LZTFL1: variants seen among roughly 807,000 people sequenced by gnomAD.
The protein encoded by LZTFL1 is leucine zipper transcription factor-like protein 1.
LZTFL1 carries 25 observed loss-of-function variants against 45.9 expected under a neutral mutation model. That is an observed-to-expected ratio of 0.54 (90% CI 0.40 to 0.76). The LOEUF (loss-of-function observed/expected upper bound fraction) is 0.76, where lower values mean the gene tolerates loss of function less well. LZTFL1 is among the 30% of genes least tolerant of loss of function. LZTFL1 has a pLI of 0.00. For synonymous variants in LZTFL1, 93 were observed against 117.4 expected, an observed-to-expected ratio of 0.79 and a Z score of 1.35; for missense variants, 277 against 331.1, an observed-to-expected ratio of 0.84 and a Z score of 1.27.
intron 9 of LZTFL1, among the ~76,000 whole-genome samples, chr3:45,826,596 T>C (rs186678912): frequency 3.3e-5 from 5 of 152,310 alleles, no homozygotes; most frequent in Admixed American, 2.6e-4. Context: ...ACCTCAATCA[T>C]CATGTTGACA....
intron 2 of LZTFL1, among the ~76,000 whole-genome samples, chr3:45,859,318 T>C (rs1036667253): frequency 4.6e-5 from 7 of 152,216 alleles, no homozygotes; most frequent in Admixed American, 2.6e-4. Flanking sequence ...CTCTAACTCC[T>C]GGCCTCAAGT....
Position 45,900,874 on chromosome 3 carries a change from TTAAC to T in LZTFL1, c.-215+12242_-215+12245del. On this transcript the variant is annotated intron_variant, in intron 2 of 4. Coordinates refer to the LZTFL1 transcript ENST00000472635. This position sits in a 1 kb window ranked among gnomAD's most constrained non-coding sequence, Gnocchi z 4.7. ...TCCACATCTTCCATGGAAGACTACGTTAACTTCAACTTCACTGACTTCTACTGTG... is the reference window on the plus strand; with the variant it reads ...TCCACATCTTCCATGGAAGACTACGTTTCAACTTCACTGACTTCTACTGTG... The T allele has an allele frequency of 6.2e-7, 1 of 1,614,196 alleles. No individual in the cohort carries two copies. Among genetic ancestry groups the T allele is most frequent in the Non-Finnish European group, 8.5e-7 (1 of 1,180,014 alleles).
intron 1 of LZTFL1, among the ~76,000 whole-genome samples, chr3:45,838,973 C>T (rs1367164895): frequency 6.6e-6 from 1 of 152,204 alleles, no homozygotes. Context: ...TAATTGACTA[C>T]CTACATTAGA....
At chr3:45,856,541 T>C (rs1701396145) in intron 3 of LZTFL1, among the ~76,000 whole-genome samples, 1 of 151,704 alleles carries the variant, frequency 6.6e-6, no homozygotes. Flanking sequence ...AAATGGGACA[T>C]AATTAAAGAG....
At position 45,825,237 on chromosome 3, in the gene LZTFL1, A is replaced by G. The variant is rs953851863; in HGVS notation, c.*1077T>C. 1 of 206,854 alleles carries G rather than the reference A, an allele frequency of 4.8e-6. No homozygotes were observed. Among genetic ancestry groups the G allele is most frequent in the East Asian group, 1.0e-4 (1 of 9,784 alleles). 12.8% of individuals were successfully genotyped at this position (206,854 alleles called of 1,614,324 possible). A position where few individuals can be genotyped will look rare whatever the true frequency, so the allele number is the denominator to read the frequency against. On this transcript the variant is annotated 3_prime_UTR_variant, in exon 10 of 10. Transcript: ENST00000296135. Reference sequence around the variant, plus strand: ...TTTTAGAAGCAGGAAAAATTACTAAATATTAATATGTGAAAAGTAAGGACT... The same window carrying G: ...TTTTAGAAGCAGGAAAAATTACTAAGTATTAATATGTGAAAAGTAAGGACT...
Position 45,901,038 on chromosome 3 carries a change from G to T in LZTFL1, c.-215+12082C>A. ...CTGCACAAGAGTGAAGACCATGACCGACATGTTCCTTTTGAATTTGGCAAT... is the reference window on the plus strand; with the variant it reads ...CTGCACAAGAGTGAAGACCATGACCTACATGTTCCTTTTGAATTTGGCAAT... On this transcript the variant is annotated intron_variant, in intron 2 of 4. Coordinates refer to the LZTFL1 transcript ENST00000472635. The surrounding 1 kb of genome is among the most constrained non-coding windows in gnomAD (Gnocchi z 4.3). 1 of 1,614,192 alleles carries T rather than the reference G, an allele frequency of 6.2e-7. No homozygotes were observed. The highest frequency in any genetic ancestry group is 8.5e-7 in the Non-Finnish European group (1 of 1,180,034).
intron 4 of LZTFL1, among the ~76,000 whole-genome samples, 181 bp from the exon 5 acceptor site, chr3:45,833,302 T>C (rs1700880175): frequency 1.3e-5 from 2 of 152,348 alleles, no homozygotes; most frequent in African/African-American, 4.8e-5. Context: ...GCCTAGGATA[T>C]GCCTGTCCTA....
chr3:45,864,333 T>C (rs1701543359), intron 2 of LZTFL1, among the ~76,000 whole-genome samples: 1 of 152,224 alleles, frequency 6.6e-6, no homozygotes, highest in Non-Finnish European at 1.5e-5. Context: ...TTAATTTTAA[T>C]ATTGCTACTA....
chr3:45,913,281 C>T, intron 1 of LZTFL1: 1 of 821,576 alleles, frequency 1.2e-6, no homozygotes, highest in Non-Finnish European at 1.9e-6. Context: ...TCATGAGGAC[C>T]TGCCACAACC....
At chr3:45,852,025 C>T (rs778758344) in intron 4 of LZTFL1, among the ~76,000 whole-genome samples, 5 of 152,194 alleles carry the variant, frequency 3.3e-5, no homozygotes, top group African/African-American at 4.8e-5. Context: ...AGTCCTGACA[C>T]GTTCATCTCC....
At chr3:45,874,662 A>G (rs955165153) in intron 2 of LZTFL1, among the ~76,000 whole-genome samples, 26 of 152,246 alleles carry the variant, frequency 1.7e-4, no homozygotes, top group Admixed American at 1.7e-3. Context: ...CTGTATCCAT[A>G]CCCTTTGAAA....
At chr3:45,909,173 T>A in intron 2 of LZTFL1, among the ~76,000 whole-genome samples, 1 of 152,172 alleles carries the variant, frequency 6.6e-6, no homozygotes, top group East Asian at 1.9e-4. Flanking sequence ...GATTCTACAT[T>A]ATGGCGAGTT....
intron 5 of LZTFL1, among the ~76,000 whole-genome samples, chr3:45,831,529 A>G (rs1372682060): frequency 6.6e-6 from 1 of 152,196 alleles, no homozygotes; most frequent in Non-Finnish European, 1.5e-5. Flanking sequence ...CCTTCACTTC[A>G]GTACCATGCT....
At position 45,860,366 on chromosome 3, in the gene LZTFL1, A is replaced by G. The variant is rs1431969838; in HGVS notation, c.-214-1350T>C. 2.6e-5 allele frequency among the ~76,000 whole-genome samples: 4 copies of G among 151,860 alleles called. No homozygotes were observed. The East Asian group carries it at 7.7e-4, about 29-fold the overall frequency. The stretch of plus-strand genomic sequence containing the variant: ...CATGTGCAAGAATGTGTGTGTGTAT[A>G]TGTGTGTGTGTTAGTTGGGAAGAAC... On this transcript the variant is annotated intron_variant, in intron 2 of 4. Coordinates refer to the LZTFL1 transcript ENST00000472635.
In LZTFL1 at chr3:45,900,706, T is replaced by C. The variant is rs1043652078; in HGVS notation, c.-215+12414A>G. 9.6e-6 allele frequency: 11 copies of C among 1,149,930 alleles called. No individual in the cohort carries two copies. The Admixed American group carries it at 1.1e-4, about 12-fold the overall frequency. The allele number at this position is 1,149,930 out of a possible 1,614,324, so 71.2% of individuals were successfully genotyped here. ...TGCCTATGTGTCTTTGGCCTTATCA[T>C]AGGTGTTTGGGGTTGGAAGGGTCAA... On this transcript the variant is annotated intron_variant, in intron 2 of 4. Coordinates refer to the LZTFL1 transcript ENST00000472635. This position sits in a 1 kb window ranked among gnomAD's most constrained non-coding sequence, Gnocchi z 4.7.
intron 7 of LZTFL1, among the ~76,000 whole-genome samples, chr3:45,829,628 A>AG (rs1336611795): frequency 6.6e-6 from 1 of 151,018 alleles, no homozygotes; most frequent in Non-Finnish European, 1.5e-5. Context: ...AAAAAAAAAA[A>AG]AAAGTACTTT....
chr3:45,848,739 C>CT (rs1304942713), intron 4 of LZTFL1, among the ~76,000 whole-genome samples: 1 of 152,060 alleles, frequency 6.6e-6, no homozygotes, highest in Admixed American at 6.5e-5. Flanking sequence ...CATGTGGTCT[C>CT]TAAGTGTTTC....
chr3:45,865,125 A>G (rs1471790147), intron 2 of LZTFL1, among the ~76,000 whole-genome samples: 1 of 152,224 alleles, frequency 6.6e-6, no homozygotes, highest in African/African-American at 2.4e-5. Context: ...TGCTGCTCCC[A>G]GAAGACCCAG....
intron 2 of LZTFL1, among the ~76,000 whole-genome samples, chr3:45,895,354 T>C (rs1702318807): frequency 6.6e-6 from 1 of 152,232 alleles, no homozygotes; most frequent in Non-Finnish European, 1.5e-5. Flanking sequence ...TAACATTATG[T>C]AGACCTTATG....
Sources: allele counts gnomAD v4.1 joint callset (sites outside exome capture counted in the v4.1 genomes callset), GRCh38; gene constraint gnomAD v4.1.1; non-coding constraint Gnocchi (gnomAD v3.1); transcripts MANE v1.5; gene names NCBI Gene and HGNC (gene_info 2026-07-23, HGNC 2026-07-21).